ADGRV1: variants seen among roughly 807,000 people sequenced by gnomAD.
ADGRV1 encodes adhesion G protein-coupled receptor V1, also known as G-protein coupled receptor 98.
In ADGRV1, 359 loss-of-function variants were observed where a neutral mutation model predicts 596.2. That is an observed-to-expected ratio of 0.60 (90% CI 0.55 to 0.66). The LOEUF (loss-of-function observed/expected upper bound fraction) is 0.66. Ranked by LOEUF, ADGRV1 falls within the 30% of genes least tolerant of loss-of-function variation. ADGRV1 has a pLI of 0.00. For synonymous variants in ADGRV1, 2,681 were observed against 2,679.2 expected, an observed-to-expected ratio of 1.00 and a Z score of -0.02; for missense variants, 7,274 against 7,575.6, an observed-to-expected ratio of 0.96 and a Z score of 1.48.
chr5:90,570,909 T>A lies in ADGRV1; in HGVS notation c.22+11992T>A, dbSNP rs193212247. On this transcript the variant is annotated intron_variant, in intron 1 of 89. Transcript: ENST00000405460. ...TGATACAAAGTCTTTGTCTAGTAAG[T>A]CTAACATCTGGTATGTTCTCCAGGG... is the stretch of plus-strand genomic sequence containing the variant. 2.5e-4 allele frequency among the ~76,000 whole-genome samples: 38 copies of A among 152,284 alleles called. No individual in the cohort carries two copies. The East Asian group carries it at 7.3e-3, about 29-fold the overall frequency.
At position 90,788,150 on chromosome 5, in the gene ADGRV1, G is replaced by A. The variant is rs1338918708; in HGVS notation, c.13733G>A (p.Gly4578Glu). ...AGAGACATTGCAGACCCAGTGAGCG[G>A]GTTGTTCTATTTTGGAGAAGGAGAA... ...QNRDIADPVS[G>E]LFYFGEGEGG... The change falls in exon 68 of 90, where the codon GGG becomes GAG. Residue 4578 changes from glycine to glutamate, a missense_variant. This residue lies in a region of ADGRV1 where 3,643 missense variants were observed against 3,809.2 expected (regional missense o/e 0.96). Coordinates refer to ENST00000405460, the MANE Select transcript of ADGRV1 (RefSeq NM_032119.4). 2 of 1,613,786 alleles carry A rather than the reference G, an allele frequency of 1.2e-6. No individual in the cohort carries two copies. The highest frequency in any genetic ancestry group is 1.7e-6 in the Non-Finnish European group (2 of 1,179,750).
At position 90,662,082 on chromosome 5, in the gene ADGRV1, G is replaced by A. The variant is rs142243206; in HGVS notation, c.4752+3804G>A. Among the ~76,000 whole-genome samples the A allele has an allele frequency of 2.0e-3, 309 of 151,732 alleles. 1 individual carries two copies. Among genetic ancestry groups the A allele is most frequent in the Non-Finnish European group, 3.3e-3 (224 of 67,948 alleles). ...TTTTAAATGAAAGTTTTCATATATA[G>A]AGTATACACAAAAATAGAGAAGATA... is the stretch of plus-strand genomic sequence containing the variant. On this transcript the variant is annotated intron_variant, in intron 21 of 89. Transcript: ENST00000405460.
chr5:91,118,260 G>A (rs1351318555), intron 87 of ADGRV1, among the ~76,000 whole-genome samples: 1 of 151,838 alleles, frequency 6.6e-6, no homozygotes, highest in Non-Finnish European at 1.5e-5. Flanking sequence ...TATGATAGGA[G>A]AATAAAGGGA....
intron 27 of ADGRV1, among the ~76,000 whole-genome samples, chr5:90,681,861 CCTTCCTTT>C (rs1744991553): frequency 7.5e-6 from 1 of 133,042 alleles, no homozygotes; most frequent in African/African-American, 2.9e-5. Flanking sequence ...TTCCTTCCTT[CCTTCCTTT>C]CTTTCTTTCT....
chr5:90,682,322 A>G (rs1171090467), intron 27 of ADGRV1, among the ~76,000 whole-genome samples: 1 of 152,192 alleles, frequency 6.6e-6, no homozygotes, highest in Non-Finnish European at 1.5e-5. Context: ...AGTGATTTAC[A>G]TCATTTCTAC....
rs535403814 is a variant in ADGRV1 at position 90,856,035 on chromosome 5, C to T, written c.17755+134C>T. On this transcript the variant is annotated intron_variant, in intron 82 of 89. Transcript: ENST00000405460. ...CAGCACTAGAAGAATACAAATTTTT[C>T]GTTGTCTTAGTCATTAATTCATTCA... 36 of 721,084 alleles carry T rather than the reference C, an allele frequency of 5.0e-5. 1 individual carries two copies. The highest frequency in any genetic ancestry group is 2.5e-4 in the South Asian group (13 of 52,386). The allele number at this position is 721,084 out of a possible 1,614,324, so 44.7% of individuals were successfully genotyped here. A position where few individuals can be genotyped will look rare whatever the true frequency, so the allele number is the denominator to read the frequency against.
At chr5:91,150,264 T>G (rs201048544) in intron 88 of ADGRV1, 43 bp downstream of exon 88, 1 of 660,890 alleles carries the variant, frequency 1.5e-6, no homozygotes, top group East Asian at 5.7e-5. Context: ...TCTGTCTCTG[T>G]CTCTCTCTCT....
At chr5:91,135,685 A>T (rs1794570595) in intron 87 of ADGRV1, among the ~76,000 whole-genome samples, 1 of 152,080 alleles carries the variant, frequency 6.6e-6, no homozygotes, top group African/African-American at 2.4e-5. Context: ...TCACTCATCT[A>T]CCCAACAACT....
At chr5:90,668,299 G>A (rs371681729) in intron 21 of ADGRV1, among the ~76,000 whole-genome samples, 1 of 151,672 alleles carries the variant, frequency 6.6e-6, no homozygotes, top group Non-Finnish European at 1.5e-5. Flanking sequence ...CAGGTGCGGG[G>A]TATAATCTCG....
intron 79 of ADGRV1, 69 bp from the exon 80 acceptor site, chr5:90,853,215 A>C: frequency 6.9e-7 from 1 of 1,441,848 alleles, no homozygotes; most frequent in South Asian, 1.5e-5. Flanking sequence ...ATGCACTTTA[A>C]CAAATATAAG....
chr5:91,129,478 A>G (rs1794033590), intron 87 of ADGRV1, among the ~76,000 whole-genome samples: 1 of 152,212 alleles, frequency 6.6e-6, no homozygotes, highest in African/African-American at 2.4e-5. Flanking sequence ...GGGCGACATC[A>G]TAGATCAAAG....
At chr5:91,065,188 A>G (rs897254414) in intron 85 of ADGRV1, among the ~76,000 whole-genome samples, 9 of 152,220 alleles carry the variant, frequency 5.9e-5, no homozygotes, top group African/African-American at 2.2e-4. Flanking sequence ...GTAGGTCATC[A>G]CTATGAATTT....
At chr5:91,010,844 T>C (rs1002152259) in intron 85 of ADGRV1, among the ~76,000 whole-genome samples, 1 of 151,964 alleles carries the variant, frequency 6.6e-6, no homozygotes, top group African/African-American at 2.4e-5. Context: ...GTGTGCTGTA[T>C]TGTAATAATT....
intron 83 of ADGRV1, among the ~76,000 whole-genome samples, chr5:90,962,899 T>C (rs897608338): frequency 6.6e-6 from 1 of 152,166 alleles, no homozygotes; most frequent in African/African-American, 2.4e-5. Flanking sequence ...GTAAATACAG[T>C]TTTAAACAAG....
At chr5:90,770,194 G>A (rs1212453364) in intron 59 of ADGRV1, among the ~76,000 whole-genome samples, 1 of 152,202 alleles carries the variant, frequency 6.6e-6, no homozygotes, top group Non-Finnish European at 1.5e-5. Flanking sequence ...GCAAAGGCAT[G>A]TCTTACATGG....
chr5:90,689,648 G>A (rs769034046), intron 29 of ADGRV1, among the ~76,000 whole-genome samples: 5 of 152,090 alleles, frequency 3.3e-5, no homozygotes, highest in Admixed American at 6.5e-5. Flanking sequence ...GCACCCCTAG[G>A]AAGTCTTTTT....
chr5:90,758,850 C>A (rs1232567560), intron 57 of ADGRV1, among the ~76,000 whole-genome samples: 3 of 152,086 alleles, frequency 2.0e-5, no homozygotes, highest in Non-Finnish European at 4.4e-5. Context: ...TTATAAACAT[C>A]CAGGAATAGC....
At chr5:90,597,466 T>A (rs1196242017) in intron 1 of ADGRV1, among the ~76,000 whole-genome samples, 1 of 152,228 alleles carries the variant, frequency 6.6e-6, no homozygotes, top group Admixed American at 6.5e-5. Flanking sequence ...TTTCATCTGA[T>A]CAAAATGTGG....
intron 1 of ADGRV1, among the ~76,000 whole-genome samples, chr5:90,581,844 C>G (rs147437830): frequency 6.6e-6 from 1 of 152,338 alleles, no homozygotes; most frequent in Non-Finnish European, 1.5e-5. Context: ...CTTCTTAACA[C>G]TGCTTTGGCT....
Sources: gnomAD v4.1 joint callset for allele counts (sites outside exome capture counted in the v4.1 genomes callset) on GRCh38, gnomAD v4.1.1 for gene constraint, gnomAD v4.1.1 regional missense constraint, MANE v1.5 for transcripts, NCBI Gene and HGNC (gene_info 2026-07-23, HGNC 2026-07-21) for gene names.